The following HIVEP3 variants were observed in gnomAD, a reference collection of about 807,000 sequenced individuals.
HIVEP3 encodes the protein HIVEP zinc finger 3, also known as transcription factor HIVEP3.
A neutral mutation model predicts 152.8 loss-of-function variants in HIVEP3; 49 were observed. That is an observed-to-expected ratio of 0.32 (90% CI 0.26 to 0.41). The LOEUF (loss-of-function observed/expected upper bound fraction) is 0.41, where lower values mean the gene tolerates loss of function less well. Among genes scored for constraint, HIVEP3 ranks in the 10% least tolerant of loss-of-function variants. HIVEP3 has a pLI of 1.00. For synonymous variants in HIVEP3, 1,269 were observed against 1,289.0 expected, an observed-to-expected ratio of 0.98 and a Z score of 0.33; for missense variants, 2,790 against 3,103.3, an observed-to-expected ratio of 0.90 and a Z score of 2.40.
intron 5 of HIVEP3, among the ~76,000 whole-genome samples, chr1:41,552,597 T>C (rs539816292): frequency 1.8e-3 from 274 of 148,400 alleles, no homozygotes; most frequent in African/African-American, 6.4e-3. Flanking sequence ...TGTGCCACAT[T>C]TTCTTAATCC....
intron 1 of HIVEP3, among the ~76,000 whole-genome samples, chr1:41,903,566 G>C (rs1557505053): frequency 6.6e-6 from 1 of 152,232 alleles, no homozygotes; most frequent in Non-Finnish European, 1.5e-5. Flanking sequence ...CCTCAGGAGG[G>C]ACCAAGACAT....
intron 5 of HIVEP3, among the ~76,000 whole-genome samples, chr1:41,568,719 G>T (rs1419249141): frequency 1.3e-5 from 2 of 152,242 alleles, no homozygotes; most frequent in Non-Finnish European, 2.9e-5. Context: ...GTGGCTTTCG[G>T]TCCAAGCATC....
At chr1:41,878,171 T>C (rs921606659) in intron 1 of HIVEP3, among the ~76,000 whole-genome samples, 2 of 152,224 alleles carry the variant, frequency 1.3e-5, no homozygotes, top group African/African-American at 2.4e-5. Context: ...TTTTAATTAA[T>C]TGCACATCTA....
chr1:41,597,129 T>C (rs1644678987), intron 3 of HIVEP3, among the ~76,000 whole-genome samples: 1 of 152,038 alleles, frequency 6.6e-6, no homozygotes, highest in Non-Finnish European at 1.5e-5. Flanking sequence ...TTCTGCACAC[T>C]GGTCAAAAAG....
intron 2 of HIVEP3, among the ~76,000 whole-genome samples, chr1:41,676,101 G>C (rs553520273): frequency 7.6e-4 from 116 of 151,954 alleles, no homozygotes; most frequent in African/African-American, 2.6e-3. Flanking sequence ...CCTCAGGTTG[G>C]AGTGCAGTGG....
chr1:42,016,935 G>A (rs1645526445), intron 1 of HIVEP3, among the ~76,000 whole-genome samples: 1 of 151,984 alleles, frequency 6.6e-6, no homozygotes. Context: ...GTACTGTTAG[G>A]TCAAATAGTA....
intron 1 of HIVEP3, among the ~76,000 whole-genome samples, chr1:41,955,490 G>A (rs1319991969): frequency 1.3e-5 from 2 of 151,888 alleles, no homozygotes; most frequent in African/African-American, 4.8e-5. Flanking sequence ...TCCTACAACA[G>A]CACACAAAAA....
chr1:41,658,547 G>A (rs548294732), intron 2 of HIVEP3, among the ~76,000 whole-genome samples: 4 of 152,158 alleles, frequency 2.6e-5, no homozygotes, highest in South Asian at 4.2e-4. Flanking sequence ...CTACACCCCC[G>A]GGCCTTGAAA....
At chr1:41,993,434 T>C (rs1645375479) in intron 1 of HIVEP3, among the ~76,000 whole-genome samples, 1 of 149,746 alleles carries the variant, frequency 6.7e-6, no homozygotes, top group East Asian at 2.0e-4. Flanking sequence ...GAAATGCAAA[T>C]CAAAACCACA....
intron 1 of HIVEP3, among the ~76,000 whole-genome samples, chr1:41,878,966 G>T (rs928301519): frequency 6.8e-6 from 1 of 147,706 alleles, no homozygotes; most frequent in African/African-American, 2.5e-5. Flanking sequence ...TCTCTTCCAC[G>T]GCTGGGGATG....
rs570018609 is a variant in HIVEP3 at position 41,557,113 on chromosome 1, C to G, written c.5207+18431G>C. 2.6e-5 allele frequency among the ~76,000 whole-genome samples: 4 copies of G among 152,280 alleles called. No homozygotes were observed. In the South Asian group the frequency reaches 8.3e-4, roughly 32 times the overall value. On this transcript the variant is annotated intron_variant, in intron 5 of 8. Transcript: ENST00000372583. The stretch of plus-strand genomic sequence containing the variant: ...CAAGATTGTTTTGGTGGTTCAAGGT[C>G]CCTTGCTCTTCATCTGCTTGTTCAC...
At chr1:41,757,006 C>A (rs1357867069) in intron 1 of HIVEP3, among the ~76,000 whole-genome samples, 2 of 151,854 alleles carry the variant, frequency 1.3e-5, no homozygotes, top group Non-Finnish European at 2.9e-5. Flanking sequence ...CTATAGAGGG[C>A]AGGATCTCAA....
chr1:41,818,654 C>T (rs918844704), intron 1 of HIVEP3, among the ~76,000 whole-genome samples: 4 of 152,050 alleles, frequency 2.6e-5, no homozygotes, highest in Admixed American at 6.6e-5. Context: ...CATACCATAC[C>T]GAATGAAAAC....
intron 1 of HIVEP3, among the ~76,000 whole-genome samples, chr1:41,725,447 C>T (rs1423550530): frequency 3.9e-5 from 6 of 152,178 alleles, no homozygotes; most frequent in Non-Finnish European, 5.9e-5. Flanking sequence ...AGGGCATGTG[C>T]GGACCTACCT....
At chr1:41,565,559 G>T (rs1570357) in intron 5 of HIVEP3, among the ~76,000 whole-genome samples, 2 of 86,572 alleles carry the variant, frequency 2.3e-5, no homozygotes, top group African/African-American at 7.1e-5. Context: ...CACACACAGA[G>T]AGAGAGAGAG....
chr1:41,779,599 G>A (rs1037429214), intron 1 of HIVEP3, among the ~76,000 whole-genome samples: 3 of 152,206 alleles, frequency 2.0e-5, no homozygotes, highest in South Asian at 2.1e-4. Context: ...GGGTTCAAGC[G>A]ATTCTCCTAC....
intron 3 of HIVEP3, among the ~76,000 whole-genome samples, chr1:41,614,512 A>C (rs1297002202): frequency 6.6e-6 from 1 of 152,252 alleles, no homozygotes; most frequent in African/African-American, 2.4e-5. Flanking sequence ...GGCTGAGCAG[A>C]GCCAAGCATG....
At chr1:41,742,664 G>A (rs2124208439) in intron 1 of HIVEP3, among the ~76,000 whole-genome samples, 1 of 152,350 alleles carries the variant, frequency 6.6e-6, no homozygotes, top group Middle Eastern at 3.4e-3. Context: ...TTTAGGGCCT[G>A]TGTGGGGCTT....
At chr1:41,641,410 T>C (rs1232375501) in intron 2 of HIVEP3, among the ~76,000 whole-genome samples, 3 of 152,176 alleles carry the variant, frequency 2.0e-5, no homozygotes, top group Non-Finnish European at 4.4e-5. Flanking sequence ...CTGGTCTAGA[T>C]CTCAACCTGC....
Sources: allele counts gnomAD v4.1 joint callset (sites outside exome capture counted in the v4.1 genomes callset), GRCh38; gene constraint gnomAD v4.1.1; transcripts MANE v1.5; gene names NCBI Gene and HGNC (gene_info 2026-07-23, HGNC 2026-07-21).